Variants in EIF3A observed in about 807,000 individuals in gnomAD.
The protein encoded by EIF3A is eukaryotic translation initiation factor 3 subunit A.
Under a neutral mutation model 186.6 loss-of-function variants are expected in EIF3A, and 21 were observed. That is an observed-to-expected ratio of 0.11 (90% CI 0.08 to 0.16). The LOEUF (loss-of-function observed/expected upper bound fraction) is 0.16. Ranked by LOEUF, EIF3A falls within the 10% of genes least tolerant of loss-of-function variation. The probability of loss-of-function intolerance (pLI) is 1.00; values close to 1 mark genes in which losing one functional copy is unlikely to be tolerated. For missense variants in EIF3A, 1,306 were observed against 1,796.3 expected (o/e 0.73, Z 4.93); for synonymous variants, 563 against 584.3 (o/e 0.96, Z 0.52).
At chr10:119,071,133 T>TAA (rs1229034464) in intron 4 of EIF3A, 48 bp from the exon 5 acceptor site, 1 of 1,301,474 alleles carries the variant, frequency 7.7e-7, no homozygotes, top group Non-Finnish European at 1.1e-6. Flanking sequence ...ACTATCTACT[T>TAA]AAATATTTGA....
intron 4 of EIF3A, among the ~76,000 whole-genome samples, chr10:119,071,664 G>A (rs1030230575): frequency 6.6e-6 from 1 of 152,076 alleles, no homozygotes; most frequent in African/African-American, 2.4e-5. Context: ...CTAAAACAGA[G>A]ATGCAGTTTA....
Position 119,037,235 on chromosome 10 carries a change from C to T in EIF3A, c.3803G>A (p.Arg1268Lys). 1 of 1,614,144 alleles carries T rather than the reference C, an allele frequency of 6.2e-7. No individual in the cohort carries two copies. Among genetic ancestry groups the T allele is most frequent in the Non-Finnish European group, 8.5e-7 (1 of 1,180,034 alleles). Residue 1268 changes from arginine to lysine, a missense_variant, in exon 21 of 22, where the codon AGG (arginine) becomes AAG (lysine). By Grantham distance (26) the Arg-to-Lys change is conservative. Around this residue, in one of 8 missense-constraint regions of EIF3A, gnomAD observed 331 missense variants for 365.8 expected, o/e 0.90. Transcript: ENST00000369144. ...CTCACGGCGACGGTCATCCCTATCCCTATCGTCCCGGCGACTTGAGTCTCT... is the reference window on the plus strand; with the variant it reads ...CTCACGGCGACGGTCATCCCTATCCTTATCGTCCCGGCGACTTGAGTCTCT... ...SWRDSSRRDD[R>K]DRDDRRRERD... is the part of the protein sequence containing the mutation.
At chr10:119,049,702 T>A in intron 17 of EIF3A, 99 bp downstream of exon 17, 1 of 1,072,772 alleles carries the variant, frequency 9.3e-7, no homozygotes, top group East Asian at 2.4e-5. Context: ...ACCACTGTAC[T>A]CCAGCCTGGG....
chr10:119,049,226 A>G (rs187625927), intron 17 of EIF3A, among the ~76,000 whole-genome samples: 1 of 152,306 alleles, frequency 6.6e-6, no homozygotes, highest in East Asian at 1.9e-4. Flanking sequence ...TTGGGAGGCC[A>G]AGGCAAGCAG....
chr10:119,054,591 G>A (rs1035085625), intron 14 of EIF3A, among the ~76,000 whole-genome samples: 33 of 151,792 alleles, frequency 2.2e-4, no homozygotes, highest in Non-Finnish European at 4.4e-4. Flanking sequence ...AGCTGGGTGT[G>A]GTGGCACATG....
intron 17 of EIF3A, among the ~76,000 whole-genome samples, chr10:119,044,637 A>C (rs2119817981): frequency 6.6e-6 from 1 of 152,306 alleles, no homozygotes; most frequent in Non-Finnish European, 1.5e-5. Context: ...TCACGAGGTC[A>C]GGAGATCAAG....
chr10:119,061,207 T>TAG lies in EIF3A; in HGVS notation c.1227+16_1227+17insCT, dbSNP rs1843879888. 4 of 1,429,606 alleles carry TAG rather than the reference T, an allele frequency of 2.8e-6. No homozygotes were observed. The highest frequency in any genetic ancestry group is 3.9e-6 in the Non-Finnish European group (4 of 1,032,660). The allele number at this position is 1,429,606 out of a possible 1,614,324, so 88.6% of individuals were successfully genotyped here. On this transcript the variant is annotated intron_variant, in intron 8 of 21. Transcript: ENST00000369144. ...CAACTCTGTGGTAACAACCAGAACT[T>TAG]AAATACAAAGGCTTACCTTTGTGAC...
intron 9 of EIF3A, 76 bp from the exon 10 acceptor site, chr10:119,059,794 C>A: frequency 1.1e-6 from 1 of 939,722 alleles, no homozygotes; most frequent in Non-Finnish European, 1.7e-6. Flanking sequence ...TCATGACAGT[C>A]ATGGGAAGTA....
At chr10:119,077,396 G>T (rs914253784) in intron 1 of EIF3A, among the ~76,000 whole-genome samples, 1 of 151,042 alleles carries the variant, frequency 6.6e-6, no homozygotes, top group Non-Finnish European at 1.5e-5. Context: ...GGTTGCAGTG[G>T]GCCGAGATAG....
intron 9 of EIF3A, chr10:119,060,110 A>G: frequency 2.0e-6 from 1 of 510,036 alleles, no homozygotes; most frequent in Non-Finnish European, 3.9e-6. Flanking sequence ...CTACTCACAT[A>G]AAAGAAAGCA....
Position 119,042,399 on chromosome 10 carries a change from C to G in EIF3A, c.3121G>C (p.Gly1041Arg). 6.2e-7 allele frequency: 1 copy of G among 1,614,198 alleles called. No individual in the cohort carries two copies. Among genetic ancestry groups the G allele is most frequent in the Non-Finnish European group, 8.5e-7 (1 of 1,180,032 alleles). ...TADEDRGPRR[G>R]MDDDRGPRRG... ...CTCGGCCCCCGGTCATCATCCATCC[C>G]ACGTCTTGGTCCTCTGTCCTCATCA... The change falls in exon 19 of 22, where the codon GGG (glycine) becomes CGG (arginine). Residue 1041 changes from glycine (G) to arginine (R), a missense_variant. Around this residue, in one of 8 missense-constraint regions of EIF3A, gnomAD observed 410 missense variants for 473.5 expected, o/e 0.87. Coordinates refer to ENST00000369144, the MANE Select transcript of EIF3A (RefSeq NM_003750.4). The surrounding 1 kb of genome is among the most constrained non-coding windows in gnomAD (Gnocchi z 7.8).
intron 7 of EIF3A, 130 bp downstream of exon 7, chr10:119,065,269 A>G: frequency 1.5e-6 from 1 of 668,064 alleles, no homozygotes; most frequent in Admixed American, 2.8e-5. Flanking sequence ...GATTGACACC[A>G]GTGCTTCCCT....
chr10:119,050,086 G>T, intron 16 of EIF3A, 101 bp from the exon 17 acceptor site: 1 of 1,153,262 alleles, frequency 8.7e-7, no homozygotes, highest in Non-Finnish European at 1.2e-6. Context: ...TAATGTACAA[G>T]TAAAAGAATT....
intron 19 of EIF3A, among the ~76,000 whole-genome samples, chr10:119,039,496 C>T (rs139069829): frequency 0.027 from 4,062 of 152,050 alleles, 77 homozygotes; most frequent in Non-Finnish European, 0.039. Context: ...CATGGCAAAA[C>T]CACATCTCTA....
intron 1 of EIF3A, 41 bp from the exon 2 acceptor site, chr10:119,073,978 T>G: frequency 1.4e-6 from 2 of 1,470,344 alleles, no homozygotes; most frequent in Non-Finnish European, 1.8e-6. Context: ...ATGTACACTA[T>G]ACAAGAGTCT....
intron 14 of EIF3A, among the ~76,000 whole-genome samples, chr10:119,054,774 G>T (rs1848402080): frequency 6.6e-6 from 1 of 151,542 alleles, no homozygotes. Flanking sequence ...CTTGATTAGT[G>T]CAAGAGGCCT....
At chr10:119,071,842 G>A (rs976266681) in intron 4 of EIF3A, among the ~76,000 whole-genome samples, 12 of 150,990 alleles carry the variant, frequency 7.9e-5, no homozygotes, top group Non-Finnish European at 1.0e-4. Flanking sequence ...TGGCTAACAC[G>A]GTGAAACCCC....
chr10:119,059,205 T>C lies in EIF3A; in HGVS notation c.1629+7A>G. 1 of 1,611,496 alleles carries C rather than the reference T, an allele frequency of 6.2e-7. No homozygotes were observed. The highest frequency in any genetic ancestry group is 8.5e-7 in the Non-Finnish European group (1 of 1,178,560). ...TCTGGGATTTATTTCCCCGGGAAGATGCATACCAGTATATGAGCTGGTTTA... is the reference window on the plus strand; with the variant it reads ...TCTGGGATTTATTTCCCCGGGAAGACGCATACCAGTATATGAGCTGGTTTA... On this transcript the variant is annotated splice_region_variant and intron_variant, in intron 11 of 21. Transcript: ENST00000369144.
In EIF3A at chr10:119,073,763, T is replaced by C; in HGVS notation, c.224A>G (p.Lys75Arg). ...CGTTTGTACCTGTTGACAAATGTTC[T>C]TATACTGGTATAACCCCTCCTTTGC... ...HLAKEGLYQY[K>R]NICQQVNIKS... Residue 75 changes from lysine (K) to arginine (R), a missense_variant, in exon 2 of 22, where the codon AAG (lysine) becomes AGG (arginine). Coordinates refer to ENST00000369144, the MANE Select transcript of EIF3A (RefSeq NM_003750.4). The C allele has an allele frequency of 6.2e-7, 1 of 1,602,732 alleles. No homozygotes were observed. Among genetic ancestry groups the C allele is most frequent in the Non-Finnish European group, 8.5e-7 (1 of 1,175,376 alleles).
Sources: allele counts gnomAD v4.1 joint callset (sites outside exome capture counted in the v4.1 genomes callset), GRCh38; gene constraint gnomAD v4.1.1; regional missense constraint gnomAD v4.1.1; non-coding constraint Gnocchi (gnomAD v3.1); transcripts MANE v1.5; gene names NCBI Gene and HGNC (gene_info 2026-07-23, HGNC 2026-07-21).